The following STARD8 variants were observed in gnomAD, a reference collection of about 807,000 sequenced individuals.
The protein encoded by STARD8 is stAR-related lipid transfer protein 8.
STARD8 carries 25 observed loss-of-function variants against 69.4 expected under a neutral mutation model. The ratio of observed to expected loss-of-function variants is 0.36; its 90% CI spans 0.26 to 0.50. The LOEUF (loss-of-function observed/expected upper bound fraction) is 0.50. STARD8 is among the 20% of genes least tolerant of loss of function. The pLI, the probability that STARD8 is intolerant of heterozygous loss-of-function variation, is 0.96. For missense variants in STARD8, 921 were observed against 932.5 expected (o/e 0.99, Z 0.16); for synonymous variants, 389 against 374.6 (o/e 1.04, Z -0.45).
chrX:68,682,014 T>G (rs189533568), intron 2 of STARD8, among the ~76,000 whole-genome samples: 32 of 108,986 alleles, frequency 2.9e-4, no homozygotes, highest in East Asian at 2.3e-3. Flanking sequence ...TTTTTTTTTT[T>G]TTCAGACAGA....
chrX:68,659,594 A>G (rs1890719950), intron 1 of STARD8, among the ~76,000 whole-genome samples: 1 of 111,287 alleles, frequency 9.0e-6, no homozygotes, highest in African/African-American at 3.3e-5. Flanking sequence ...TCCCGGAAAG[A>G]CTCTGCAGTT....
intron 1 of STARD8, among the ~76,000 whole-genome samples, chrX:68,649,033 C>T (rs1209676639): frequency 3.6e-5 from 4 of 112,156 alleles, no homozygotes; most frequent in Admixed American, 1.9e-4. Flanking sequence ...CCTTTCTTGA[C>T]GCTGTGTGGT....
At chrX:68,652,880 C>CACACACACACAACACAG (rs1569350778) in intron 1 of STARD8, among the ~76,000 whole-genome samples, 2 of 55,108 alleles carry the variant, frequency 3.6e-5, no homozygotes, top group African/African-American at 7.3e-5. Flanking sequence ...CACCCACACC[C>CACACACACACAACACAG]CACACACACA....
chrX:68,650,481 G>GGGA lies in STARD8; in HGVS notation c.45+2585_45+2587dup, dbSNP rs373796316. On this transcript the variant is annotated intron_variant, in intron 1 of 14. Transcript: ENST00000374599. The stretch of plus-strand genomic sequence containing the variant: ...AAGAGGAGGAGGGGAGGAGGAGGAG[G>GGGA]GGAGGAGGAGGAGGAGGAGGAGGAG... Among the ~76,000 whole-genome samples, 600 of 82,581 alleles carry GGGA rather than the reference G, an allele frequency of 7.3e-3. 10 individuals carry two copies. The highest frequency in any genetic ancestry group is 0.048 in the East Asian group (125 of 2,620). The allele number at this position is 82,581 out of a possible 115,157, so 71.7% of individuals were successfully genotyped here.
intron 2 of STARD8, chrX:68,693,657 T>G (rs2079894671): frequency 9.3e-6 from 7 of 753,317 alleles, no homozygotes; most frequent in Non-Finnish European, 1.1e-5. Context: ...TGGACTCGGG[T>G]TGACAACGGC....
Position 68,709,828 on chromosome X carries a change from G to GA in STARD8, c.80-3076dup, listed in dbSNP as rs1243466941. ...ACAGAGTGAAACCCTGTCTCAAAAAGAAAAAAAAAACCCATAAACATGAAA... is the reference window on the plus strand; with the variant it reads ...ACAGAGTGAAACCCTGTCTCAAAAAGAAAAAAAAAAACCCATAAACATGAAA... On this transcript the variant is annotated intron_variant, in intron 2 of 14. Transcript: ENST00000374599. 4.5e-3 allele frequency among the ~76,000 whole-genome samples: 428 copies of GA among 94,105 alleles called. 2 individuals are homozygous for GA. The highest frequency in any genetic ancestry group is 7.5e-3 in the African/African-American group (193 of 25,686). The allele number at this position is 94,105 out of a possible 115,157, so 81.7% of individuals were successfully genotyped here. A position where few individuals can be genotyped will look rare whatever the true frequency, so the allele number is the denominator to read the frequency against.
intron 2 of STARD8, among the ~76,000 whole-genome samples, chrX:68,689,609 TAGGG>T (rs1331020099): frequency 1.8e-5 from 2 of 112,265 alleles, no homozygotes; most frequent in African/African-American, 6.5e-5. Context: ...TGTCTGAGCT[TAGGG>T]AGGGCAAGGG....
At chrX:68,696,529 C>G (rs2079920927) in intron 2 of STARD8, among the ~76,000 whole-genome samples, 1 of 112,000 alleles carries the variant, frequency 8.9e-6, no homozygotes, top group African/African-American at 3.3e-5. Flanking sequence ...ACCTCGACCA[C>G]ACACAGGAAT....
chrX:68,706,063 G>T (rs967955347), intron 2 of STARD8, among the ~76,000 whole-genome samples: 3 of 111,884 alleles, frequency 2.7e-5, no homozygotes, highest in African/African-American at 9.8e-5. Context: ...ATTTGTGACA[G>T]GGAGGCTCCA....
intron 1 of STARD8, among the ~76,000 whole-genome samples, chrX:68,659,982 G>A (rs1243339166): frequency 1.8e-5 from 2 of 111,057 alleles, no homozygotes; most frequent in African/African-American, 3.3e-5. Flanking sequence ...TATAGGTTGG[G>A]GGCCCTTTTC....
Position 68,647,719 on chromosome X carries a change from C to A in STARD8, c.-164C>A. On this transcript the variant is annotated 5_prime_UTR_variant, in exon 1 of 15. Coordinates refer to ENST00000374599, the MANE Select transcript of STARD8 (RefSeq NM_001142503.3). The stretch of plus-strand genomic sequence containing the variant: ...CGCTGTCGAGGCAGCTGAGCCCCGG[C>A]AACCGCTGCTCTCCGCCTCTCCCCT... The A allele has an allele frequency of 1.6e-6, 1 of 628,616 alleles. No homozygotes were observed. Among genetic ancestry groups the A allele is most frequent in the Non-Finnish European group, 2.3e-6 (1 of 430,416 alleles). The allele number at this position is 628,616 out of a possible 1,213,427, so 51.8% of individuals were successfully genotyped here.
chrX:68,653,251 A>C (rs2079578510), intron 1 of STARD8, among the ~76,000 whole-genome samples: 1 of 22,641 alleles, frequency 4.4e-5, no homozygotes, highest in Non-Finnish European at 8.1e-5. Context: ...CACACCACAC[A>C]TACACCACAC....
chrX:68,653,115 C>CAT (rs2079573684), intron 1 of STARD8, among the ~76,000 whole-genome samples: 1 of 57,325 alleles, frequency 1.7e-5, no homozygotes, highest in Non-Finnish European at 3.3e-5. Context: ...ACACACACAC[C>CAT]ACACACCACA....
rs1449066042 is a variant in STARD8 at position 68,725,503 on chromosome X, C to T, written c.*1081C>T. The T allele has an allele frequency of 1.9e-5, 2 of 107,366 alleles. No homozygotes were observed. Among genetic ancestry groups the T allele is most frequent in the Admixed American group, 1.0e-4 (1 of 9,940 alleles). 8.8% of individuals were successfully genotyped at this position (107,366 alleles called of 1,213,427 possible). On this transcript the variant is annotated 3_prime_UTR_variant, in exon 15 of 15. Coordinates refer to ENST00000374599, the MANE Select transcript of STARD8 (RefSeq NM_001142503.3). The stretch of plus-strand genomic sequence containing the variant: ...ACTGAAATGAGATGGGTCCCAACCA[C>T]CACTGTAATTTTCAAGCCTATTTTA...
At chrX:68,679,382 C>A (rs763410711) in intron 2 of STARD8, among the ~76,000 whole-genome samples, 1 of 111,752 alleles carries the variant, frequency 8.9e-6, no homozygotes, top group South Asian at 3.8e-4. Context: ...TCCCCACCCA[C>A]TGATCTAGTC....
chrX:68,724,515 C>A lies in STARD8; in HGVS notation c.*93C>A. The A allele has an allele frequency of 1.3e-6, 1 of 756,713 alleles. No homozygotes were observed. Among genetic ancestry groups the A allele is most frequent in the Non-Finnish European group, 1.9e-6 (1 of 516,360 alleles). 62.4% of individuals were successfully genotyped at this position (756,713 alleles called of 1,213,427 possible). On this transcript the variant is annotated 3_prime_UTR_variant, in exon 15 of 15. Coordinates refer to ENST00000374599, the MANE Select transcript of STARD8 (RefSeq NM_001142503.3). ...GAGCAGGGCAGCCCCCTGGGTGCCGCTGTCAGGAGCAGAGCCAGGCCCAGG... is the reference window on the plus strand; with the variant it reads ...GAGCAGGGCAGCCCCCTGGGTGCCGATGTCAGGAGCAGAGCCAGGCCCAGG...
chrX:68,675,568 TG>T (rs1300337851), intron 2 of STARD8, among the ~76,000 whole-genome samples: 1 of 52,932 alleles, frequency 1.9e-5, no homozygotes, highest in South Asian at 1.6e-3. Flanking sequence ...AGTAGTGGGG[TG>T]GGGGGAGGGG....
In STARD8 at chrX:68,668,278, T is replaced by TTCTTTCTTTC. The variant is rs1569355559; in HGVS notation, c.79+2748_79+2757dup. Reference sequence around the variant, plus strand: ...TCTTTCTTTCTTTCTTTCTTTCTCTTTCTTTCTTTCTTTCTTTCTTTCTTC... The same window carrying TTCTTTCTTTC: ...TCTTTCTTTCTTTCTTTCTTTCTCTTTCTTTCTTTCTCTTTCTTTCTTTCTTTCTTTCTTC... On this transcript the variant is annotated intron_variant, in intron 2 of 14. Coordinates refer to ENST00000374599, the MANE Select transcript of STARD8 (RefSeq NM_001142503.3). Among the ~76,000 whole-genome samples the TTCTTTCTTTC allele has an allele frequency of 3.7e-3, 221 of 59,677 alleles. 2 individuals carry two copies. Among genetic ancestry groups the TTCTTTCTTTC allele is most frequent in the African/African-American group, 0.013 (180 of 13,543 alleles). 51.8% of individuals were successfully genotyped at this position (59,677 alleles called of 115,157 possible).
chrX:68,663,167 A>G (rs1387534453), intron 1 of STARD8, among the ~76,000 whole-genome samples: 1 of 112,133 alleles, frequency 8.9e-6, no homozygotes, highest in Non-Finnish European at 1.9e-5. Context: ...TTTGTAGCAG[A>G]AATCTTTGAT....
Sources: allele counts gnomAD v4.1 joint callset (sites outside exome capture counted in the v4.1 genomes callset), GRCh38; gene constraint gnomAD v4.1.1; transcripts MANE v1.5; gene names NCBI Gene and HGNC (gene_info 2026-07-23, HGNC 2026-07-21).